Variants in ADGRV1 observed in about 807,000 individuals in gnomAD.
The protein encoded by ADGRV1 is adhesion G protein-coupled receptor V1.
In ADGRV1, 359 loss-of-function variants were observed where a neutral mutation model predicts 596.2. The ratio of observed to expected loss-of-function variants is 0.60; its 90% confidence interval spans 0.55 to 0.66. The LOEUF is 0.66. Ranked by LOEUF, ADGRV1 falls within the 30% of genes least tolerant of loss-of-function variation. ADGRV1 has a pLI of 0.00. For synonymous variants in ADGRV1, 2,681 were observed against 2,679.2 expected (o/e 1.00, Z -0.02); for missense variants, 7,274 against 7,575.6 (o/e 0.96, Z 1.48).
At chr5:90,875,901 C>A (rs1272356350) in intron 83 of ADGRV1, among the ~76,000 whole-genome samples, 1 of 152,066 alleles carries the variant, frequency 6.6e-6, no homozygotes, top group East Asian at 1.9e-4. Context: ...ATAGTGTTAA[C>A]TAGTAAATGT....
chr5:91,131,569 A>G (rs2973440), intron 87 of ADGRV1, among the ~76,000 whole-genome samples: 151,531 of 152,220 alleles, frequency 1, 75,467 homozygotes, highest in Middle Eastern at 1. Flanking sequence ...TCCCTCCACA[A>G]CCTTGCCAGT....
At chr5:90,755,743 G>T (rs1307806546) in intron 55 of ADGRV1, among the ~76,000 whole-genome samples, 3 of 150,234 alleles carry the variant, frequency 2.0e-5, no homozygotes, top group African/African-American at 7.3e-5. Context: ...TTTAATAGTG[G>T]ATTAGTGTTA....
At chr5:90,842,484 G>A (rs1765519459) in intron 78 of ADGRV1, among the ~76,000 whole-genome samples, 2 of 152,024 alleles carry the variant, frequency 1.3e-5, no homozygotes, top group South Asian at 2.1e-4. Context: ...ATTGGGAGGC[G>A]GAGGCAGGCA....
chr5:90,674,639 G>A (rs1772968466), intron 23 of ADGRV1: 1 of 154,478 alleles, frequency 6.5e-6, no homozygotes, highest in African/African-American at 2.4e-5. Context: ...TTTGTCTTAT[G>A]CTTAATAGTG....
intron 87 of ADGRV1, among the ~76,000 whole-genome samples, chr5:91,112,488 C>G (rs1792460835): frequency 2.0e-5 from 3 of 152,132 alleles, no homozygotes; most frequent in African/African-American, 7.2e-5. Flanking sequence ...AAGAGCAAAC[C>G]TACAAGATTT....
chr5:90,694,006 G>T lies in ADGRV1; in HGVS notation c.7250G>T (p.Gly2417Val). ...LLSYYESPIQ[G>V]VPDPLWRTWM... The stretch of plus-strand genomic sequence containing the variant: ...TCCTACTATGAATCTCCAATTCAAG[G>T]GGTGCCTGACCCACTTTGGAGAACT... The change falls in exon 33 of 90, where the codon GGG becomes GTG. Residue 2417 changes from glycine to valine, a missense_variant. Gly to Val is a moderately radical substitution (Grantham distance 109). Around this residue, in one of 5 missense-constraint regions of ADGRV1, gnomAD observed 3,643 missense variants for 3,809.2 expected, o/e 0.96. Coordinates refer to ENST00000405460, the MANE Select transcript of ADGRV1 (RefSeq NM_032119.4). The T allele has an allele frequency of 6.2e-7, 1 of 1,613,632 alleles. No individual in the cohort carries two copies. The highest frequency in any genetic ancestry group is 8.5e-7 in the Non-Finnish European group (1 of 1,179,774).
chr5:90,617,759 T>C, intron 2 of ADGRV1, 45 bp from the exon 3 acceptor site: 13 of 1,518,840 alleles, frequency 8.6e-6, no homozygotes, highest in South Asian at 1.2e-5. Context: ...TTACTTGTCC[T>C]AATACTGTGT....
At chr5:91,033,910 C>G (rs1233692305) in intron 85 of ADGRV1, among the ~76,000 whole-genome samples, 1 of 152,108 alleles carries the variant, frequency 6.6e-6, no homozygotes, top group Admixed American at 6.5e-5. Flanking sequence ...AACAGATATT[C>G]AAATCTTAGT....
chr5:90,977,118 T>A (rs1779682048), intron 84 of ADGRV1, among the ~76,000 whole-genome samples: 1 of 152,160 alleles, frequency 6.6e-6, no homozygotes, highest in Non-Finnish European at 1.5e-5. Flanking sequence ...TCATCGTTGA[T>A]TTAATTTTGG....
chr5:90,815,533 C>T (rs1762809228), intron 74 of ADGRV1, 86 bp from the exon 75 acceptor site: 1 of 694,612 alleles, frequency 1.4e-6, no homozygotes, highest in Non-Finnish European at 2.5e-6. Context: ...CACTTTTAAA[C>T]CATCTGAGCT....
intron 86 of ADGRV1, chr5:91,091,854 C>T (rs1790412978): frequency 6.6e-6 from 1 of 152,052 alleles, no homozygotes; most frequent in Admixed American, 6.6e-5. Context: ...TTGGGTCATG[C>T]CCACTTACAT....
chr5:90,969,168 A>G (rs1027540828), intron 84 of ADGRV1, among the ~76,000 whole-genome samples: 1 of 152,238 alleles, frequency 6.6e-6, no homozygotes, highest in Non-Finnish European at 1.5e-5. Flanking sequence ...TTGTAATAAC[A>G]GTACCTCTCT....
At position 90,789,656 on chromosome 5, in the gene ADGRV1, C is replaced by T. The variant is rs1168309104; in HGVS notation, c.13894-46C>T. ...AATATGTTGGATACTATAATTTCAT[C>T]CCTATTGTTTTATAAATTATTTTCT... On this transcript the variant is annotated intron_variant, in intron 68 of 89. Coordinates refer to ENST00000405460, the MANE Select transcript of ADGRV1 (RefSeq NM_032119.4). 5 of 1,144,926 alleles carry T rather than the reference C, an allele frequency of 4.4e-6. No homozygotes were observed. The African/African-American group carries it at 4.7e-5, about 11-fold the overall frequency. 70.9% of individuals were successfully genotyped at this position (1,144,926 alleles called of 1,614,324 possible). A position where few individuals can be genotyped will look rare whatever the true frequency, so the allele number is the denominator to read the frequency against.
In ADGRV1 at chr5:90,922,099, C is replaced by G. The variant is rs536434150; in HGVS notation, c.17857-43316C>G. Among the ~76,000 whole-genome samples the G allele has an allele frequency of 7.9e-5, 12 of 152,274 alleles. No individual in the cohort carries two copies. In the East Asian group the frequency reaches 2.1e-3, roughly 27 times the overall value. On this transcript the variant is annotated intron_variant, in intron 83 of 89. Transcript: ENST00000405460. The stretch of plus-strand genomic sequence containing the variant: ...GGAGGATAGACTTTGGTGGACAGTC[C>G]CGTATCTGTGCCACACATAGGTTCA...
chr5:90,760,662 A>AC (rs1438778109), intron 58 of ADGRV1, among the ~76,000 whole-genome samples: 1 of 151,118 alleles, frequency 6.6e-6, no homozygotes, highest in Non-Finnish European at 1.5e-5. Flanking sequence ...CACCACAGTC[A>AC]CCCCCCACCC....
In ADGRV1 at chr5:90,779,072, A is replaced by G. The variant is rs1349482641; in HGVS notation, c.13057A>G (p.Ile4353Val). The change falls in exon 64 of 90, where the codon ATT becomes GTT. Residue 4353 changes from isoleucine (I) to valine (V), a missense_variant. Ile to Val is a conservative substitution (Grantham distance 29, BLOSUM62 3). Coordinates refer to ENST00000405460, the MANE Select transcript of ADGRV1 (RefSeq NM_032119.4). ...AGGCCCAGAGGAATTTTCTCTAACA[A>G]TTACAAAGGTGGAACTCCAGGGAAG... ...PEGPEEFSLT[I>V]TKVELQGRGY... 6 of 1,610,958 alleles carry G rather than the reference A, an allele frequency of 3.7e-6. No homozygotes were observed. In the African/African-American group the frequency reaches 4.0e-5, roughly 11 times the overall value.
chr5:90,668,998 A>G (rs1206518466), intron 21 of ADGRV1, among the ~76,000 whole-genome samples: 1 of 152,174 alleles, frequency 6.6e-6, no homozygotes, highest in Non-Finnish European at 1.5e-5. Flanking sequence ...CTTTGGATCT[A>G]TTTAACTAAT....
intron 67 of ADGRV1, among the ~76,000 whole-genome samples, chr5:90,785,655 C>T (rs972148943): frequency 1.9e-4 from 29 of 152,140 alleles, no homozygotes; most frequent in South Asian, 1.0e-3. Flanking sequence ...GAAAAAATGC[C>T]GTCATCCCTG....
At chr5:90,712,232 A>G (rs1352770120) in intron 41 of ADGRV1, 55 bp from the exon 42 acceptor site, 3 of 969,372 alleles carry the variant, frequency 3.1e-6, no homozygotes, top group Admixed American at 3.2e-5. Context: ...AACATTCTAT[A>G]GAAACTCACA....
Sources: allele counts gnomAD v4.1 joint callset (sites outside exome capture counted in the v4.1 genomes callset), GRCh38; gene constraint gnomAD v4.1.1; regional missense constraint gnomAD v4.1.1; transcripts MANE v1.5; gene names NCBI Gene and HGNC (gene_info 2026-07-23, HGNC 2026-07-21).